Variants in GRID2 observed in about 807,000 individuals in gnomAD.
GRID2 encodes glutamate ionotropic receptor delta type subunit 2, also known as glutamate receptor ionotropic, delta-2.
Under a neutral mutation model 114.8 loss-of-function variants are expected in GRID2, and 33 were observed. That is an observed-to-expected ratio of 0.29 (90% CI 0.22 to 0.38). GRID2 has a LOEUF of 0.38. Ranked by LOEUF, GRID2 falls within the 10% of genes least tolerant of loss-of-function variation. GRID2 has a pLI of 1.00. For missense variants in GRID2, 1,184 were observed against 1,257.7 expected, an observed-to-expected ratio of 0.94 and a Z score of 0.89; for synonymous variants, 505 against 449.9, an observed-to-expected ratio of 1.12 and a Z score of -1.55.
At chr4:92,450,478 T>C (rs1286594367) in intron 1 of GRID2, among the ~76,000 whole-genome samples, 1 of 152,148 alleles carries the variant, frequency 6.6e-6, no homozygotes, top group Admixed American at 6.5e-5. Flanking sequence ...TCTTCAGAGA[T>C]AGACCAGTGT....
intron 2 of GRID2, among the ~76,000 whole-genome samples, chr4:92,868,058 T>G (rs796866922): frequency 0.021 from 2,796 of 134,132 alleles, 48 homozygotes; most frequent in Non-Finnish European, 0.031. Flanking sequence ...CTTTCTTTCT[T>G]TCTTTCTTTC....
intron 3 of GRID2, among the ~76,000 whole-genome samples, chr4:93,093,958 C>T (rs183760840): frequency 6.6e-6 from 1 of 152,194 alleles, no homozygotes; most frequent in Non-Finnish European, 1.5e-5. Context: ...TTTTGGTCTA[C>T]TCCAAGCTCT....
chr4:92,848,110 C>T (rs111267441), intron 2 of GRID2, among the ~76,000 whole-genome samples: 3 of 151,960 alleles, frequency 2.0e-5, no homozygotes, highest in African/African-American at 7.2e-5. Context: ...TGTTACTGTG[C>T]ATCTCTTCCA....
At chr4:93,010,679 T>G (rs944193089) in intron 2 of GRID2, among the ~76,000 whole-genome samples, 3 of 152,212 alleles carry the variant, frequency 2.0e-5, no homozygotes, top group African/African-American at 7.2e-5. Flanking sequence ...CCTTTGTAAG[T>G]AATTGATCTG....
chr4:93,731,562 C>CA (rs1483605767), intron 14 of GRID2, among the ~76,000 whole-genome samples: 8 of 152,110 alleles, frequency 5.3e-5, no homozygotes, highest in African/African-American at 1.9e-4. Flanking sequence ...TAACTGAGTA[C>CA]ATTGTTTTAG....
chr4:92,714,476 C>A (rs972634671), intron 2 of GRID2, among the ~76,000 whole-genome samples: 9 of 152,108 alleles, frequency 5.9e-5, no homozygotes, highest in African/African-American at 2.2e-4. Context: ...CTAGGCAGTG[C>A]CCCAGTGGGG....
At chr4:93,024,329 A>G (rs1723678542) in intron 2 of GRID2, among the ~76,000 whole-genome samples, 1 of 151,762 alleles carries the variant, frequency 6.6e-6, no homozygotes, top group Non-Finnish European at 1.5e-5. Flanking sequence ...TAGGAATAAT[A>G]TTGATTCTCA....
chr4:92,741,226 T>C (rs901675406), intron 2 of GRID2, among the ~76,000 whole-genome samples: 12 of 152,142 alleles, frequency 7.9e-5, no homozygotes, highest in African/African-American at 2.9e-4. Flanking sequence ...AAGTGATTAT[T>C]CCTATCTCAT....
chr4:92,663,389 C>T (rs1196966908), intron 2 of GRID2, among the ~76,000 whole-genome samples: 4 of 151,036 alleles, frequency 2.6e-5, no homozygotes, highest in African/African-American at 9.7e-5. Context: ...GTTTTAAAAG[C>T]TTAATATACT....
chr4:92,799,944 T>C (rs1740073256), intron 2 of GRID2, among the ~76,000 whole-genome samples: 1 of 152,034 alleles, frequency 6.6e-6, no homozygotes, highest in South Asian at 2.1e-4. Flanking sequence ...ACTCTGTTCC[T>C]ATTTCCTTTC....
At chr4:93,580,786 G>A (rs374068058) in intron 13 of GRID2, among the ~76,000 whole-genome samples, 12 of 150,516 alleles carry the variant, frequency 8.0e-5, no homozygotes, top group Admixed American at 3.3e-4. Context: ...ATTGGTAAGC[G>A]TTTAATATCC....
intron 13 of GRID2, among the ~76,000 whole-genome samples, chr4:93,549,379 T>A (rs1733547300): frequency 6.6e-6 from 1 of 152,134 alleles, no homozygotes; most frequent in South Asian, 2.1e-4. Context: ...CTGTAAAACA[T>A]GTTGTAAGAA....
chr4:93,650,659 C>T (rs143717232), intron 14 of GRID2, among the ~76,000 whole-genome samples: 1 of 152,098 alleles, frequency 6.6e-6, no homozygotes, highest in Non-Finnish European at 1.5e-5. Context: ...ATTCCTTACA[C>T]TTAAAAAAAG....
intron 1 of GRID2, among the ~76,000 whole-genome samples, chr4:92,388,703 C>G (rs879579487): frequency 9.2e-5 from 14 of 151,904 alleles, no homozygotes; most frequent in African/African-American, 2.9e-4. Context: ...TTTCTCACAC[C>G]GCCAGTTAAT....
intron 8 of GRID2, among the ~76,000 whole-genome samples, chr4:93,278,366 G>A (rs1170083919): frequency 6.6e-6 from 1 of 151,924 alleles, no homozygotes; most frequent in Non-Finnish European, 1.5e-5. Context: ...GGCAAAGACT[G>A]AAGTAGTGGT....
intron 1 of GRID2, among the ~76,000 whole-genome samples, chr4:92,458,079 C>T (rs901292686): frequency 1.3e-5 from 2 of 152,076 alleles, no homozygotes; most frequent in Non-Finnish European, 2.9e-5. Context: ...ACAACTGATA[C>T]GTTTGAACTA....
intron 13 of GRID2, among the ~76,000 whole-genome samples, chr4:93,624,269 TA>T (rs1436344828): frequency 6.6e-6 from 1 of 152,172 alleles, no homozygotes. Flanking sequence ...TATCATCAAA[TA>T]ATGATAATTT....
intron 3 of GRID2, among the ~76,000 whole-genome samples, chr4:93,087,283 A>T (rs1471841876): frequency 6.6e-6 from 1 of 151,740 alleles, no homozygotes; most frequent in Non-Finnish European, 1.5e-5. Flanking sequence ...ATCGTGATCC[A>T]CCCACCTCGG....
intron 1 of GRID2, among the ~76,000 whole-genome samples, chr4:92,566,255 A>T (rs529748901): frequency 6.6e-6 from 1 of 152,024 alleles, no homozygotes; most frequent in Non-Finnish European, 1.5e-5. Context: ...AAGCTAAAAA[A>T]TATTATTCAA....
Sources: allele counts gnomAD v4.1 joint callset (sites outside exome capture counted in the v4.1 genomes callset), GRCh38; gene constraint gnomAD v4.1.1; transcripts MANE v1.5; gene names NCBI Gene and HGNC (gene_info 2026-07-23, HGNC 2026-07-21).